Variants in LMTK2 observed in about 807,000 individuals in gnomAD.
LMTK2 encodes lemur tail kinase 2.
In LMTK2, 37 loss-of-function variants were observed where a neutral mutation model predicts 127.5. The ratio of observed to expected loss-of-function variants is 0.29; its 90% confidence interval spans 0.22 to 0.38. LMTK2 has a LOEUF of 0.38. Ranked by LOEUF, LMTK2 falls within the 10% of genes least tolerant of loss-of-function variation. LMTK2 has a pLI of 1.00. For missense variants in LMTK2, 1,694 were observed against 1,920.3 expected (o/e 0.88, Z 2.20); for synonymous variants, 819 against 810.1 (o/e 1.01, Z -0.19).
intron 7 of LMTK2, among the ~76,000 whole-genome samples, chr7:98,177,547 G>A (rs1797295316): frequency 1.3e-5 from 2 of 152,114 alleles, no homozygotes; most frequent in African/African-American, 4.8e-5. Context: ...CCAGGCTTGA[G>A]TGAGTGCAGT....
chr7:98,205,718 C>T lies in LMTK2; in HGVS notation c.*226C>T. 1 of 592,584 alleles carries T rather than the reference C, an allele frequency of 1.7e-6. No individual in the cohort carries two copies. Among genetic ancestry groups the T allele is most frequent in the Non-Finnish European group, 3.0e-6 (1 of 332,700 alleles). The allele number at this position is 592,584 out of a possible 1,614,324, so 36.7% of individuals were successfully genotyped here. A position where few individuals can be genotyped will look rare whatever the true frequency, so the allele number is the denominator to read the frequency against. Reference sequence around the variant, plus strand: ...CCAGGAGCCGGCGTCCCTCAGTGCCCCGTGCACCCGCGGCCGCGGCCTCCC... The same window carrying T: ...CCAGGAGCCGGCGTCCCTCAGTGCCTCGTGCACCCGCGGCCGCGGCCTCCC... On this transcript the variant is annotated 3_prime_UTR_variant, in exon 14 of 14. Transcript: ENST00000297293.
Position 98,193,278 on chromosome 7 carries a change from G to T in LMTK2, c.2813G>T (p.Arg938Leu). ...TTTTCGGAAGACCATCACAGTCATC[G>T]CCGGCTAGAGAAAAACTTAGAGGCT... Reference protein sequence around the residue: ...KPFSEDHHSHRRLEKNLEAVE... With the variant: ...KPFSEDHHSHLRLEKNLEAVE... Residue 938 changes from arginine (R) to leucine (L), a missense_variant, in exon 11 of 14, where the codon CGC (arginine) becomes CTC (leucine). Arg to Leu is a moderately radical substitution (Grantham distance 102, BLOSUM62 -2). Coordinates refer to ENST00000297293, the MANE Select transcript of LMTK2 (RefSeq NM_014916.4). This position sits in a 1 kb window ranked among gnomAD's most constrained non-coding sequence, Gnocchi z 4.1. 2 of 1,613,678 alleles carry T rather than the reference G, an allele frequency of 1.2e-6. No individual in the cohort carries two copies. Among genetic ancestry groups the T allele is most frequent in the Non-Finnish European group, 1.7e-6 (2 of 1,180,026 alleles).
At chr7:98,145,032 A>AT (rs1396858438) in intron 3 of LMTK2, among the ~76,000 whole-genome samples, 1 of 152,172 alleles carries the variant, frequency 6.6e-6, no homozygotes, top group African/African-American at 2.4e-5. Flanking sequence ...ACATTTCTTA[A>AT]AGTGGGTCAA....
chr7:98,176,112 A>G (rs1456872600), intron 7 of LMTK2, among the ~76,000 whole-genome samples: 2 of 152,392 alleles, frequency 1.3e-5, no homozygotes, highest in South Asian at 2.1e-4. Context: ...TTCTAGGACT[A>G]TAAGGGTAGA....
chr7:98,165,401 G>A (rs1239521760), intron 6 of LMTK2, among the ~76,000 whole-genome samples: 4 of 152,250 alleles, frequency 2.6e-5, no homozygotes, highest in South Asian at 2.1e-4. Flanking sequence ...CAGGGTTGGT[G>A]ATGGACTTGC....
chr7:98,204,232 T>C, intron 13 of LMTK2, 46 bp downstream of exon 13: 4 of 661,224 alleles, frequency 6.0e-6, no homozygotes, highest in Non-Finnish European at 8.1e-6. Context: ...GGGTCGGGGG[T>C]GGGGCGCTGC....
Position 98,192,537 on chromosome 7 carries a change from G to A in LMTK2, c.2072G>A (p.Arg691His), listed in dbSNP as rs144354534. 298 of 1,612,088 alleles carry A rather than the reference G, an allele frequency of 1.8e-4. No homozygotes were observed. Among genetic ancestry groups the A allele is most frequent in the South Asian group, 8.3e-4 (75 of 90,424 alleles). The change falls in exon 11 of 14, where the codon CGT becomes CAT. Residue 691 changes from arginine to histidine, a missense_variant. Physicochemically the swap from Arg to His is conservative, Grantham distance 29. Coordinates refer to ENST00000297293, the MANE Select transcript of LMTK2 (RefSeq NM_014916.4). ...ITGHFEKEKP[R>H]KIFDSEPLCL... ...GGCCACTTTGAGAAAGAAAAGCCCC[G>A]TAAGATTTTTGACAGTGAGCCTCTC... is the stretch of plus-strand genomic sequence containing the variant.
chr7:98,107,208 C>A lies in LMTK2; in HGVS notation c.31C>A (p.Leu11Met). ...GGGGCCGCCGGCGTTGCGGCGGAGG[C>A]TGCTGCTGCTGCTGCTGGTCCTCCT... MPGPPALRRR[L>M]LLLLLVLLIA... is the part of the protein sequence containing the mutation. Residue 11 changes from leucine (L) to methionine (M), a missense_variant, in exon 1 of 14, where the codon CTG becomes ATG. Leu to Met is a conservative substitution (Grantham distance 15). This residue lies in a region of LMTK2 where 76 missense variants were observed against 82.0 expected (regional missense o/e 0.93). Coordinates refer to ENST00000297293, the MANE Select transcript of LMTK2 (RefSeq NM_014916.4). 1 of 1,298,528 alleles carries A rather than the reference C, an allele frequency of 7.7e-7. No individual in the cohort carries two copies. The allele number at this position is 1,298,528 out of a possible 1,614,324, so 80.4% of individuals were successfully genotyped here.
At chr7:98,128,519 A>G (rs956086868) in intron 1 of LMTK2, among the ~76,000 whole-genome samples, 1 of 152,232 alleles carries the variant, frequency 6.6e-6, no homozygotes, top group Non-Finnish European at 1.5e-5. Flanking sequence ...AGCCTGTAGT[A>G]TTTTGTTTTA....
intron 11 of LMTK2, among the ~76,000 whole-genome samples, chr7:98,196,622 G>A (rs566970401): frequency 6.6e-6 from 1 of 152,340 alleles, no homozygotes; most frequent in Admixed American, 6.5e-5. Flanking sequence ...CAGTCCCAGT[G>A]GAAGCAGCCT....
intron 11 of LMTK2, among the ~76,000 whole-genome samples, chr7:98,202,663 G>A (rs1021056215): frequency 2.0e-5 from 3 of 152,082 alleles, no homozygotes; most frequent in African/African-American, 4.8e-5. Flanking sequence ...CAAAGCCTTC[G>A]CTGTGCTGTT....
In LMTK2 at chr7:98,209,404, AGAG is replaced by A. The variant is rs1041497877; in HGVS notation, c.*3918_*3920del. 14 of 152,316 alleles carry A rather than the reference AGAG, an allele frequency of 9.2e-5. No homozygotes were observed. The East Asian group carries it at 2.3e-3, about 25-fold the overall frequency. The allele number at this position is 152,316 out of a possible 1,614,324, so 9.4% of individuals were successfully genotyped here. ...GGATCCACCGTCGGATTCCGTCTGC[AGAG>A]GAGGACGTAGGGGGCCGTCACACCC... On this transcript the variant is annotated 3_prime_UTR_variant, in exon 14 of 14. Transcript: ENST00000297293.
At chr7:98,179,899 T>C (rs1797329939) in intron 7 of LMTK2, among the ~76,000 whole-genome samples, 1 of 152,210 alleles carries the variant, frequency 6.6e-6, no homozygotes. Context: ...CAAGTGTCAC[T>C]GCATCATCGT....
At chr7:98,196,884 G>A (rs138109136) in intron 11 of LMTK2, among the ~76,000 whole-genome samples, 2 of 152,292 alleles carry the variant, frequency 1.3e-5, no homozygotes, top group African/African-American at 4.8e-5. Flanking sequence ...AAATGAGGAA[G>A]ATCTTTCTGA....
At chr7:98,191,593 T>G (rs768297848) in intron 10 of LMTK2, 21 bp from the exon 11 acceptor site, 2 of 1,537,344 alleles carry the variant, frequency 1.3e-6, no homozygotes, top group African/African-American at 1.4e-5. Flanking sequence ...TTCCACTGAT[T>G]GCTTGTCGTG....
At chr7:98,115,592 G>A (rs1458496219) in intron 1 of LMTK2, among the ~76,000 whole-genome samples, 1 of 151,922 alleles carries the variant, frequency 6.6e-6, no homozygotes, top group African/African-American at 2.4e-5. Context: ...GGCGGGTCAC[G>A]AGGTCAAGAG....
chr7:98,130,853 C>G (rs1451617336), intron 1 of LMTK2, among the ~76,000 whole-genome samples: 2 of 152,222 alleles, frequency 1.3e-5, no homozygotes, highest in Non-Finnish European at 1.5e-5. Flanking sequence ...TTTGAGTCAC[C>G]CAGTTTGTGA....
intron 1 of LMTK2, among the ~76,000 whole-genome samples, chr7:98,134,549 T>A (rs915131852): frequency 6.6e-6 from 1 of 151,966 alleles, no homozygotes; most frequent in African/African-American, 2.4e-5. Flanking sequence ...GCGCAGTGGC[T>A]CATGCCTGTA....
At chr7:98,154,911 G>A (rs778771153) in intron 5 of LMTK2, 35 bp downstream of exon 5, 4 of 1,212,138 alleles carry the variant, frequency 3.3e-6, no homozygotes, top group Non-Finnish European at 4.9e-6. Flanking sequence ...TGTAAGACTA[G>A]TCTGTGGTCT....
Sources: allele counts gnomAD v4.1 joint callset (sites outside exome capture counted in the v4.1 genomes callset), GRCh38; gene constraint gnomAD v4.1.1; regional missense constraint gnomAD v4.1.1; non-coding constraint Gnocchi (gnomAD v3.1); transcripts MANE v1.5; gene names NCBI Gene and HGNC (gene_info 2026-07-23, HGNC 2026-07-21).